The following GMNN variants were observed in gnomAD, a reference collection of about 807,000 sequenced individuals.
GMNN encodes the protein geminin DNA replication inhibitor, also known as geminin.
A neutral mutation model predicts 20.9 loss-of-function variants in GMNN; 14 were observed. The observed-to-expected ratio is 0.67, with a 90% confidence interval of 0.44 to 1.05. The LOEUF (loss-of-function observed/expected upper bound fraction) is 1.05. GMNN is among the 50% of genes least tolerant of loss of function. GMNN has a pLI of 0.00. For missense variants in GMNN, 227 were observed against 243.8 expected (o/e 0.93, Z 0.46); for synonymous variants, 81 against 85.8 (o/e 0.94, Z 0.31).
chr6:24,784,179 G>C lies in GMNN; in HGVS notation c.357+10G>C. 7.5e-7 allele frequency: 1 copy of C among 1,339,740 alleles called. No individual in the cohort carries two copies. Among genetic ancestry groups the C allele is most frequent in the South Asian group, 1.2e-5 (1 of 82,868 alleles). 83.0% of individuals were successfully genotyped at this position (1,339,740 alleles called of 1,614,324 possible). On this transcript the variant is annotated intron_variant, in intron 5 of 6. Transcript: ENST00000230056. ...TAAGGAAAATGAGAAAGTATGTATT[G>C]AGTATAATTTGTACCATTTTTAAAA...
In GMNN at chr6:24,780,557, C is replaced by T. The variant is rs928302365; in HGVS notation, c.52-106C>T. 3 of 637,440 alleles carry T rather than the reference C, an allele frequency of 4.7e-6. No homozygotes were observed. The Admixed American group carries it at 7.3e-5, about 15-fold the overall frequency. 39.5% of individuals were successfully genotyped at this position (637,440 alleles called of 1,614,324 possible). Reference sequence around the variant, plus strand: ...GTGTTGTTAGTGTTCCTTTTCCACCCCTAAATTATAGAAGGACTAAGAGTA... The same window carrying T: ...GTGTTGTTAGTGTTCCTTTTCCACCTCTAAATTATAGAAGGACTAAGAGTA... On this transcript the variant is annotated intron_variant, in intron 2 of 6. Transcript: ENST00000230056.
intron 1 of GMNN, among the ~76,000 whole-genome samples, chr6:24,776,137 G>T (rs1431926028): frequency 6.7e-6 from 1 of 150,346 alleles, no homozygotes; most frequent in Non-Finnish European, 1.5e-5. Context: ...TCGCTCTGTT[G>T]CCCAGGCTGG....
At chr6:24,784,971 G>A (rs1174911545) in intron 6 of GMNN, among the ~76,000 whole-genome samples, 1 of 152,104 alleles carries the variant, frequency 6.6e-6, no homozygotes, top group African/African-American at 2.4e-5. Context: ...ATTTTAGATA[G>A]TTTTAATTTT....
chr6:24,780,933 G>A (rs1481886983), intron 3 of GMNN, among the ~76,000 whole-genome samples, 193 bp downstream of exon 3: 2 of 152,200 alleles, frequency 1.3e-5, no homozygotes. Flanking sequence ...GGGTGCAGTG[G>A]CTCACGCCTG....
intron 4 of GMNN, among the ~76,000 whole-genome samples, chr6:24,781,983 A>G (rs1486021978): frequency 6.6e-6 from 1 of 152,076 alleles, no homozygotes; most frequent in Non-Finnish European, 1.5e-5. Context: ...CAGGAGGCTG[A>G]GTCAGGAGGA....
At chr6:24,780,495 G>C (rs1274060187) in intron 2 of GMNN, among the ~76,000 whole-genome samples, 168 bp from the exon 3 acceptor site, 1 of 152,156 alleles carries the variant, frequency 6.6e-6, no homozygotes, top group Non-Finnish European at 1.5e-5. Context: ...CTTGTTCATA[G>C]GCGACCTTAC....
intron 4 of GMNN, among the ~76,000 whole-genome samples, chr6:24,783,239 C>T (rs758325540): frequency 2.0e-5 from 3 of 151,964 alleles, no homozygotes; most frequent in Admixed American, 6.6e-5. Context: ...AAATGAATAA[C>T]GTCAAGAATG....
chr6:24,785,581 C>A, intron 6 of GMNN, 57 bp from the exon 7 acceptor site: 2 of 846,818 alleles, frequency 2.4e-6, no homozygotes, highest in Non-Finnish European at 3.8e-6. Context: ...TATCAGTATG[C>A]TGATCAGCTT....
intron 6 of GMNN, 113 bp from the exon 7 acceptor site, chr6:24,785,525 T>C (rs1304036774): frequency 3.9e-6 from 2 of 516,488 alleles, no homozygotes; most frequent in Non-Finnish European, 6.8e-6. Flanking sequence ...AGGGGCAAGA[T>C]GAAAAAAATC....
rs1581425467 is a variant in GMNN at position 24,777,452 on chromosome 6, A to G, written c.51+155A>G. ...AATAGAGAACATTTTTAAAAAACTA[A>G]TTACGGTTGAATATTAAGTCTGACC... is the stretch of plus-strand genomic sequence containing the variant. On this transcript the variant is annotated intron_variant, in intron 2 of 6. Transcript: ENST00000230056. 11 of 408,682 alleles carry G rather than the reference A, an allele frequency of 2.7e-5. No homozygotes were observed. The East Asian group carries it at 4.1e-4, about 15-fold the overall frequency. The allele number at this position is 408,682 out of a possible 1,614,324, so 25.3% of individuals were successfully genotyped here.
intron 2 of GMNN, among the ~76,000 whole-genome samples, chr6:24,778,683 A>T (rs1233500860): frequency 6.6e-6 from 1 of 152,134 alleles, no homozygotes; most frequent in Non-Finnish European, 1.5e-5. Context: ...TGTGAATTTG[A>T]TTCCATTAGC....
At chr6:24,776,031 A>G (rs533554037) in intron 1 of GMNN, among the ~76,000 whole-genome samples, 1 of 151,970 alleles carries the variant, frequency 6.6e-6, no homozygotes, top group Admixed American at 6.6e-5. Flanking sequence ...CCCGAACACC[A>G]TTTTCTTAAC....
At chr6:24,782,352 C>T (rs537466488) in intron 4 of GMNN, among the ~76,000 whole-genome samples, 1 of 152,176 alleles carries the variant, frequency 6.6e-6, no homozygotes, top group Admixed American at 6.5e-5. Context: ...TGGTAGTATA[C>T]ATCAGAAGAA....
At position 24,780,059 on chromosome 6, in the gene GMNN, C is replaced by T. The variant is rs552975961; in HGVS notation, c.52-604C>T. Among the ~76,000 whole-genome samples the T allele has an allele frequency of 2.0e-5, 3 of 152,166 alleles. No homozygotes were observed. The South Asian group carries it at 6.2e-4, about 32-fold the overall frequency. ...GAGGGATATTCATGATTTAAGGAGG[C>T]CTGAAATGAATCTTTTTGATTAGGG... On this transcript the variant is annotated intron_variant, in intron 2 of 6. Transcript: ENST00000230056.
Position 24,784,138 on chromosome 6 carries a change from C to A in GMNN, c.326C>A (p.Ala109Glu). 2.0e-6 allele frequency: 3 copies of A among 1,531,530 alleles called. No individual in the cohort carries two copies. Among genetic ancestry groups the A allele is most frequent in the Non-Finnish European group, 2.7e-6 (3 of 1,106,818 alleles). The allele number at this position is 1,531,530 out of a possible 1,614,324, so 94.9% of individuals were successfully genotyped here. A position where few individuals can be genotyped will look rare whatever the true frequency, so the allele number is the denominator to read the frequency against. The change falls in exon 5 of 7, where the codon GCG (alanine) becomes GAG (glutamate). Residue 109 changes from alanine (A) to glutamate (E), a missense_variant. Coordinates refer to ENST00000230056, the MANE Select transcript of GMNN (RefSeq NM_015895.5). ...GAAGTGGCAGAAAAACGGAGAAAGG[C>A]GCTGTATGAAGCACTTAAGGAAAAT... is the stretch of plus-strand genomic sequence containing the variant. ...WKEVAEKRRK[A>E]LYEALKENEK...
chr6:24,780,186 T>A (rs1780171628), intron 2 of GMNN, among the ~76,000 whole-genome samples: 1 of 152,174 alleles, frequency 6.6e-6, no homozygotes, highest in Non-Finnish European at 1.5e-5. Flanking sequence ...TATAAAAGAG[T>A]ACCTGTAAGT....
At chr6:24,784,764 A>T (rs1780305221) in intron 6 of GMNN, among the ~76,000 whole-genome samples, 1 of 152,120 alleles carries the variant, frequency 6.6e-6, no homozygotes, top group Non-Finnish European at 1.5e-5. Flanking sequence ...AATGAGAGTA[A>T]TGATGCCTAC....
rs796867391 is a variant in GMNN, at chr6:24,785,771, C to G, written c.602C>G (p.Ser201Cys). 1 of 1,585,324 alleles carries G rather than the reference C, an allele frequency of 6.3e-7. No homozygotes were observed. The highest frequency in any genetic ancestry group is 1.4e-5 in the African/African-American group (1 of 73,420). Residue 201 changes from serine (S) to cysteine (C), a missense_variant, in exon 7 of 7, where the codon TCC (serine) becomes TGC (cysteine). Physicochemically the swap from Ser to Cys is moderately radical, Grantham distance 112 (BLOSUM62 -1). Transcript: ENST00000230056. ...ACGTGTGCTGAAGGAACTGTATCTT[C>G]CTCTACGGATGCAAAGCCATGTATA... is the stretch of plus-strand genomic sequence containing the variant. ...IGTCAEGTVSSSTDAKPCI is the reference protein window; with the variant it reads ...IGTCAEGTVSCSTDAKPCI
chr6:24,778,509 A>T (rs1251848133), intron 2 of GMNN, among the ~76,000 whole-genome samples: 16 of 151,972 alleles, frequency 1.1e-4, no homozygotes, highest in Admixed American at 2.0e-4. Context: ...ACCTAAAAAA[A>T]TTTTTTTTAT....
Sources: gnomAD v4.1 joint callset for allele counts (sites outside exome capture counted in the v4.1 genomes callset) on GRCh38, gnomAD v4.1.1 for gene constraint, MANE v1.5 for transcripts, NCBI Gene and HGNC (gene_info 2026-07-23, HGNC 2026-07-21) for gene names.